RARB: variants seen among roughly 807,000 people sequenced by gnomAD.
The protein encoded by RARB is HBV-activated protein.
RARB carries 17 observed loss-of-function variants against 51.9 expected under a neutral mutation model. The ratio of observed to expected loss-of-function variants is 0.33; its 90% confidence interval spans 0.22 to 0.49. The LOEUF is 0.49. Ranked by LOEUF, RARB falls within the 20% of genes least tolerant of loss-of-function variation. The pLI is 0.99. For synonymous variants in RARB, 215 were observed against 195.4 expected (o/e 1.10, Z -0.84); for missense variants, 369 against 550.8 (o/e 0.67, Z 3.30).
intron 5 of RARB, among the ~76,000 whole-genome samples, chr3:25,413,819 T>G (rs1171744879): frequency 5.9e-5 from 9 of 152,224 alleles, no homozygotes; most frequent in African/African-American, 2.2e-4. Context: ...GGTCTGCATT[T>G]ATTCTCAAGG....
chr3:25,596,355 C>T (rs1314181258), intron 7 of RARB, 65 bp from the exon 8 acceptor site: 28 of 1,268,898 alleles, frequency 2.2e-5, no homozygotes, highest in Middle Eastern at 2.5e-4. Context: ...GAAAATTGGT[C>T]CCTGGTTATC....
At chr3:25,507,236 G>T (rs759577334) in intron 3 of RARB, among the ~76,000 whole-genome samples, 2 of 152,172 alleles carry the variant, frequency 1.3e-5, no homozygotes, top group Non-Finnish European at 2.9e-5. Context: ...ATGAAGCTTT[G>T]CTCGGTGAAG....
At chr3:25,185,418 T>A (rs982561566) in intron 5 of RARB, among the ~76,000 whole-genome samples, 2 of 152,138 alleles carry the variant, frequency 1.3e-5, no homozygotes. Flanking sequence ...TCTCTAATAA[T>A]GCTTGACTTA....
At chr3:25,442,921 T>A (rs544932925) in intron 1 of RARB, among the ~76,000 whole-genome samples, 1 of 152,124 alleles carries the variant, frequency 6.6e-6, no homozygotes, top group Non-Finnish European at 1.5e-5. Flanking sequence ...TCTCCCAACA[T>A]TTTCAAGCTT....
chr3:24,944,698 G>A (rs960062721), intron 2 of RARB, among the ~76,000 whole-genome samples: 9 of 152,118 alleles, frequency 5.9e-5, no homozygotes, highest in East Asian at 1.9e-4. Flanking sequence ...GAGTTTCCTC[G>A]GGTGACTTGC....
At chr3:25,008,398 C>T (rs368984429) in intron 2 of RARB, among the ~76,000 whole-genome samples, 2 of 152,258 alleles carry the variant, frequency 1.3e-5, no homozygotes, top group South Asian at 4.1e-4. Flanking sequence ...CCTTCAGGAA[C>T]TTGGCTTCTG....
At chr3:25,210,885 A>G (rs1701680258) in intron 5 of RARB, among the ~76,000 whole-genome samples, 1 of 151,880 alleles carries the variant, frequency 6.6e-6, no homozygotes, top group Non-Finnish European at 1.5e-5. Context: ...CTCTAGACCT[A>G]CCACATAAAA....
At chr3:24,904,676 G>C (rs552827887) in intron 2 of RARB, among the ~76,000 whole-genome samples, 3 of 152,244 alleles carry the variant, frequency 2.0e-5, no homozygotes, top group African/African-American at 4.8e-5. Context: ...ATACCCAAAG[G>C]ATTAGAAATC....
chr3:25,400,500 C>G (rs552863589), intron 5 of RARB, among the ~76,000 whole-genome samples: 2 of 152,030 alleles, frequency 1.3e-5, no homozygotes, highest in Non-Finnish European at 2.9e-5. Context: ...AAGAAGGTCT[C>G]AATATTCTCA....
chr3:25,259,223 T>C (rs1702939956), intron 5 of RARB, among the ~76,000 whole-genome samples: 1 of 152,120 alleles, frequency 6.6e-6, no homozygotes, highest in Admixed American at 6.6e-5. Context: ...ATGATTAGCA[T>C]TCCCTTTCCA....
Position 25,023,739 on chromosome 3 carries a change from T to C in RARB, c.-379-36386T>C, listed in dbSNP as rs371499555. 1.1e-3 allele frequency among the ~76,000 whole-genome samples: 165 copies of C among 152,304 alleles called. 1 individual carries two copies. Among genetic ancestry groups the C allele is most frequent in the African/African-American group, 3.9e-3 (162 of 41,562 alleles). On this transcript the variant is annotated intron_variant, in intron 2 of 11. Transcript: ENST00000383772. ...GAAAGGACAGAGTGGAAGTTTCTTCTGTGAGGTTATCCAGTGAAACCTCAA... is the reference window on the plus strand; with the variant it reads ...GAAAGGACAGAGTGGAAGTTTCTTCCGTGAGGTTATCCAGTGAAACCTCAA...
At chr3:25,390,607 T>C (rs1191947842) in intron 5 of RARB, among the ~76,000 whole-genome samples, 2 of 152,130 alleles carry the variant, frequency 1.3e-5, no homozygotes, top group African/African-American at 4.8e-5. Flanking sequence ...ATAGTACAGG[T>C]TTTTAAATAT....
At chr3:25,441,125 G>A (rs1708661078) in intron 1 of RARB, 1 of 157,262 alleles carries the variant, frequency 6.4e-6, no homozygotes, top group African/African-American at 2.4e-5. Context: ...TCCCATCATA[G>A]TGGACTCCTA....
intron 3 of RARB, among the ~76,000 whole-genome samples, chr3:25,551,744 T>A (rs555858624): frequency 1.3e-5 from 2 of 152,242 alleles, no homozygotes; most frequent in South Asian, 4.1e-4. Context: ...CTAGGGACAC[T>A]CCCAGAGATA....
intron 2 of RARB, among the ~76,000 whole-genome samples, chr3:25,488,750 T>C (rs1696588948): frequency 6.6e-6 from 1 of 152,226 alleles, no homozygotes; most frequent in Non-Finnish European, 1.5e-5. Context: ...GATATATGTT[T>C]CTTCTGTCTA....
intron 5 of RARB, among the ~76,000 whole-genome samples, chr3:25,197,806 A>G (rs763701966): frequency 5.3e-5 from 8 of 152,084 alleles, no homozygotes; most frequent in Non-Finnish European, 1.0e-4. Flanking sequence ...AAGATATTCC[A>G]TGTTCATGGA....
intron 2 of RARB, among the ~76,000 whole-genome samples, chr3:24,864,695 T>C (rs1343265378): frequency 2.0e-5 from 3 of 148,082 alleles, no homozygotes; most frequent in Non-Finnish European, 4.4e-5. Context: ...TTTTTTGGAA[T>C]ATGGCCACAG....
At chr3:25,446,089 C>T (rs1429674596) in intron 1 of RARB, among the ~76,000 whole-genome samples, 1 of 152,176 alleles carries the variant, frequency 6.6e-6, no homozygotes, top group African/African-American at 2.4e-5. Flanking sequence ...ATATTGACCT[C>T]CCTAACTAAT....
chr3:25,024,425 A>G (rs1269105211), intron 2 of RARB, among the ~76,000 whole-genome samples: 3 of 152,230 alleles, frequency 2.0e-5, no homozygotes, highest in African/African-American at 7.2e-5. Flanking sequence ...ATATAAACTG[A>G]CATGATTAAA....
Sources: gnomAD v4.1 joint callset for allele counts (sites outside exome capture counted in the v4.1 genomes callset) on GRCh38, gnomAD v4.1.1 for gene constraint, MANE v1.5 for transcripts, NCBI Gene and HGNC (gene_info 2026-07-23, HGNC 2026-07-21) for gene names.